Variants in APCDD1L observed in about 807,000 individuals in gnomAD.
The protein encoded by APCDD1L is APC down-regulated 1 like, also known as protein APCDD1-like.
In APCDD1L, 21 loss-of-function variants were observed where a neutral mutation model predicts 24.2. That is an observed-to-expected ratio of 0.87 (90% CI 0.61 to 1.25). APCDD1L has a LOEUF of 1.25. APCDD1L is among the 50% of genes most tolerant of loss of function. The pLI is 0.00. For synonymous variants in APCDD1L, 321 were observed against 323.6 expected (o/e 0.99, Z 0.09); for missense variants, 704 against 711.7 (o/e 0.99, Z 0.12).
At chr20:58,470,045 A>AATT (rs562643616) in intron 2 of APCDD1L, among the ~76,000 whole-genome samples, 15 of 152,284 alleles carry the variant, frequency 9.9e-5, no homozygotes, top group African/African-American at 3.6e-4. Flanking sequence ...GGTTAGACAG[A>AATT]ATTAGATGGG....
intron 1 of APCDD1L, among the ~76,000 whole-genome samples, chr20:58,473,236 C>T (rs1989845984): frequency 6.6e-6 from 1 of 151,326 alleles, no homozygotes; most frequent in Non-Finnish European, 1.5e-5. Flanking sequence ...GAAAACAAGG[C>T]TTTTTTTTTC....
At chr20:58,463,894 T>TTGGG (rs1491147308) in intron 3 of APCDD1L, among the ~76,000 whole-genome samples, 9 of 52,418 alleles carry the variant, frequency 1.7e-4, no homozygotes, top group Admixed American at 1.3e-3. Context: ...AGTTTTTTTT[T>TTGGG]GGGGGGGGGG....
chr20:58,481,057 G>A (rs1207195602), intron 1 of APCDD1L, among the ~76,000 whole-genome samples: 1 of 152,204 alleles, frequency 6.6e-6, no homozygotes, highest in East Asian at 1.9e-4. Context: ...GTCCACTGAT[G>A]CCAACATCCC....
At chr20:58,473,874 G>T (rs1989858559) in intron 1 of APCDD1L, among the ~76,000 whole-genome samples, 1 of 152,236 alleles carries the variant, frequency 6.6e-6, no homozygotes, top group African/African-American at 2.4e-5. Flanking sequence ...AGATAGCATT[G>T]TTCAAATTAC....
intron 1 of APCDD1L, among the ~76,000 whole-genome samples, chr20:58,511,068 T>C (rs1268484825): frequency 1.3e-5 from 2 of 152,150 alleles, no homozygotes; most frequent in Non-Finnish European, 2.9e-5. Context: ...CCATATACCA[T>C]CTTGTTGAAC....
At chr20:58,510,788 T>C (rs937257757) in intron 1 of APCDD1L, among the ~76,000 whole-genome samples, 2 of 152,198 alleles carry the variant, frequency 1.3e-5, no homozygotes, top group African/African-American at 4.8e-5. Context: ...TGGACCTGCA[T>C]GGTGTCAGGG....
chr20:58,471,453 A>G (rs1194006432), intron 1 of APCDD1L, among the ~76,000 whole-genome samples: 7 of 152,230 alleles, frequency 4.6e-5, no homozygotes, highest in Admixed American at 4.6e-4. Flanking sequence ...CCCTAAGCCC[A>G]GACACCAGGG....
At position 58,497,706 on chromosome 20, in the gene APCDD1L, A is replaced by AGGTC. The variant is rs1990351875; in HGVS notation, c.49+16949_49+16952dup. 6.6e-6 allele frequency among the ~76,000 whole-genome samples: 1 copy of AGGTC among 152,130 alleles called. No individual in the cohort carries two copies. Among genetic ancestry groups the AGGTC allele is most frequent in the Non-Finnish European group, 1.5e-5 (1 of 68,020 alleles). On this transcript the variant is annotated intron_variant, in intron 1 of 3. Coordinates refer to ENST00000371149, the MANE Select transcript of APCDD1L (RefSeq NM_153360.3). This position sits in a 1 kb window ranked among gnomAD's most constrained non-coding sequence, Gnocchi z 4.3. ...TCTGCAAAGACCCTGTCTCTAAATG[A>AGGTC]GGTCACACATGCTGAGGCCCTGGGG...
chr20:58,481,707 G>A (rs557047879), intron 1 of APCDD1L, among the ~76,000 whole-genome samples: 11 of 152,282 alleles, frequency 7.2e-5, no homozygotes, highest in Admixed American at 5.9e-4. Context: ...GCGATTGGGA[G>A]CCAGTGGCGA....
chr20:58,477,157 T>A (rs1449591113), intron 1 of APCDD1L, among the ~76,000 whole-genome samples: 1 of 152,210 alleles, frequency 6.6e-6, no homozygotes, highest in African/African-American at 2.4e-5. Context: ...ACGCAGACAT[T>A]GTGCAATGAT....
rs1282017022 is a variant in APCDD1L at position 58,494,777 on chromosome 20, T to C, written c.49+19882A>G. 6.6e-6 allele frequency among the ~76,000 whole-genome samples: 1 copy of C among 152,212 alleles called. No homozygotes were observed. The highest frequency in any genetic ancestry group is 6.5e-5 in the Admixed American group (1 of 15,284). ...AGCCCCGTACTTTGCCTGTGATTCC[T>C]GTCTCACGATCATCTCCTGGCATTC... On this transcript the variant is annotated intron_variant, in intron 1 of 3. Transcript: ENST00000371149. The surrounding 1 kb of genome is among the most constrained non-coding windows in gnomAD (Gnocchi z 4.8).
In APCDD1L at chr20:58,467,923, C is replaced by T. The variant is rs1989748861; in HGVS notation, c.189-265G>A. ...CAATCTGAATTGCCCTGCTGGAGGG[C>T]CTTTTGCAACCACCTGGGGACCCGC... On this transcript the variant is annotated intron_variant, in intron 2 of 3. Transcript: ENST00000371149. The surrounding 1 kb of genome is among the most constrained non-coding windows in gnomAD (Gnocchi z 5.9). Among the ~76,000 whole-genome samples the T allele has an allele frequency of 6.6e-6, 1 of 152,160 alleles. No individual in the cohort carries two copies. Among genetic ancestry groups the T allele is most frequent in the South Asian group, 2.1e-4 (1 of 4,826 alleles).
At chr20:58,509,431 A>G (rs1258316408) in intron 1 of APCDD1L, among the ~76,000 whole-genome samples, 3 of 152,126 alleles carry the variant, frequency 2.0e-5, no homozygotes, top group Non-Finnish European at 4.4e-5. Context: ...ACCCCTGCCT[A>G]GCTCTCCTTG....
chr20:58,513,490 C>A (rs1990672941), intron 1 of APCDD1L, among the ~76,000 whole-genome samples: 1 of 152,164 alleles, frequency 6.6e-6, no homozygotes, highest in Admixed American at 6.5e-5. Context: ...CAGACCCCTG[C>A]CAGTTCTTCT....
intron 1 of APCDD1L, among the ~76,000 whole-genome samples, chr20:58,499,992 T>A (rs1334384611): frequency 6.6e-6 from 1 of 152,156 alleles, no homozygotes; most frequent in African/African-American, 2.4e-5. Flanking sequence ...ACCAAGATTG[T>A]TTTTTTAAAA....
In APCDD1L at chr20:58,459,906, A is replaced by G. The variant is rs1248338303; in HGVS notation, c.*884T>C. The G allele has an allele frequency of 6.6e-6, 1 of 152,642 alleles. No homozygotes were observed. The highest frequency in any genetic ancestry group is 1.9e-4 in the East Asian group (1 of 5,200). The allele number at this position is 152,642 out of a possible 1,614,324, so 9.5% of individuals were successfully genotyped here. A position where few individuals can be genotyped will look rare whatever the true frequency, so the allele number is the denominator to read the frequency against. On this transcript the variant is annotated 3_prime_UTR_variant, in exon 4 of 4. Coordinates refer to ENST00000371149, the MANE Select transcript of APCDD1L (RefSeq NM_153360.3). ...AGAGCGCGTTAGTGTTACGGCTGTC[A>G]TTACTATTAACTATGTTCAGAAGGC...
Position 58,470,797 on chromosome 20 carries a change from C to A in APCDD1L, c.50-50G>T, listed in dbSNP as rs1270905349. On this transcript the variant is annotated intron_variant, in intron 1 of 3. Transcript: ENST00000371149. ...AGACCCCAGCATGCCCCGGGAACAC[C>A]CACCCCATCTGCCCTCCCAACCCCA... 1.3e-5 allele frequency: 19 copies of A among 1,491,792 alleles called. No individual in the cohort carries two copies. In the East Asian group the frequency reaches 4.2e-4, roughly 33 times the overall value. The allele number at this position is 1,491,792 out of a possible 1,614,324, so 92.4% of individuals were successfully genotyped here. A position where few individuals can be genotyped will look rare whatever the true frequency, so the allele number is the denominator to read the frequency against.
chr20:58,463,430 A>G (rs1989650546), intron 3 of APCDD1L, among the ~76,000 whole-genome samples: 1 of 152,222 alleles, frequency 6.6e-6, no homozygotes, highest in South Asian at 2.1e-4. Context: ...AACAGGAAAC[A>G]GATGCTAAAG....
At position 58,470,626 on chromosome 20, in the gene APCDD1L, T is replaced by C. The variant is rs1254936791; in HGVS notation, c.171A>G (p.Gly57=). 6 of 1,586,208 alleles carry C rather than the reference T, an allele frequency of 3.8e-6. No homozygotes were observed. Among genetic ancestry groups the C allele is most frequent in the Non-Finnish European group, 4.3e-6 (5 of 1,166,164 alleles). Residue 57 remains glycine (G), a synonymous_variant, in exon 2 of 4, where the codon GGA becomes GGG. Coordinates refer to ENST00000371149, the MANE Select transcript of APCDD1L (RefSeq NM_153360.3). ...AGTCTTACCCTGTGGAGATCCAAGG[T>C]CCATTAAGGCGTGGAGGCAGGATCG... The part of the protein sequence containing the change: ...STAILPPRLN[G]PWISTGCEVR...
Sources: gnomAD v4.1 joint callset for allele counts (sites outside exome capture counted in the v4.1 genomes callset) on GRCh38, gnomAD v4.1.1 for gene constraint, Gnocchi (gnomAD v3.1) non-coding constraint, MANE v1.5 for transcripts, NCBI Gene and HGNC (gene_info 2026-07-23, HGNC 2026-07-21) for gene names.